The following PPM1F variants were observed in gnomAD, a reference collection of about 807,000 sequenced individuals.
The protein encoded by PPM1F is protein phosphatase, Mg2+/Mn2+ dependent 1F, also known as protein phosphatase 1F.
A neutral mutation model predicts 35.5 loss-of-function variants in PPM1F; 17 were observed. The ratio of observed to expected loss-of-function variants is 0.48; its 90% confidence interval spans 0.33 to 0.72. The LOEUF (loss-of-function observed/expected upper bound fraction) is 0.72, where lower values mean the gene tolerates loss of function less well. Ranked by LOEUF, PPM1F falls within the 30% of genes least tolerant of loss-of-function variation. The probability of loss-of-function intolerance (pLI) is 0.02; values close to 1 mark genes in which losing one functional copy is unlikely to be tolerated. For synonymous variants in PPM1F, 241 were observed against 255.5 expected, an observed-to-expected ratio of 0.94 and a Z score of 0.54; for missense variants, 521 against 613.0, an observed-to-expected ratio of 0.85 and a Z score of 1.59.
At chr22:21,943,770 C>T (rs1036847599) in intron 2 of PPM1F, 1 of 152,350 alleles carries the variant, frequency 6.6e-6, no homozygotes, top group Non-Finnish European at 1.5e-5. Flanking sequence ...GTTGTCACCC[C>T]GGTGCTGCGG....
chr22:21,923,555 C>T, intron 7 of PPM1F, 84 bp from the exon 8 acceptor site: 1 of 1,458,462 alleles, frequency 6.9e-7, no homozygotes, highest in Non-Finnish European at 9.2e-7. Context: ...GACCTCACAT[C>T]CTGCAGGGAC....
At chr22:21,942,240 CT>C (rs2070733156) in intron 2 of PPM1F, 1 of 151,866 alleles carries the variant, frequency 6.6e-6, no homozygotes, top group South Asian at 2.1e-4. Context: ...TACTGATGGT[CT>C]GAGGAATCTA....
chr22:21,943,457 T>C (rs191091797), intron 2 of PPM1F: 7 of 152,366 alleles, frequency 4.6e-5, no homozygotes, highest in African/African-American at 1.4e-4. Context: ...GTTCACCATG[T>C]AAGGTGGGTT....
chr22:21,937,729 C>G (rs1024883867), intron 3 of PPM1F: 1 of 169,716 alleles, frequency 5.9e-6, no homozygotes, highest in African/African-American at 2.4e-5. Context: ...CACGGTCTCG[C>G]CCCGGGTGCT....
chr22:21,939,329 A>C lies in PPM1F; in HGVS notation c.355+203T>G. On this transcript the variant is annotated intron_variant, in intron 3 of 7. Transcript: ENST00000263212. The surrounding 1 kb of genome is among the most constrained non-coding windows in gnomAD (Gnocchi z 5.1). ...CCCCTGCCTCGTGGGCTGACTGGGA[A>C]CTATATGACCTGTGGAGGGCTGTGA... The C allele has an allele frequency of 4.7e-6, 3 of 633,798 alleles. No homozygotes were observed. The highest frequency in any genetic ancestry group is 5.4e-6 in the Non-Finnish European group (2 of 371,406). The allele number at this position is 633,798 out of a possible 1,614,324, so 39.3% of individuals were successfully genotyped here. A position where few individuals can be genotyped will look rare whatever the true frequency, so the allele number is the denominator to read the frequency against.
rs1169643614 is a variant in PPM1F, at chr22:21,922,287, T to C, written c.*805A>G. The stretch of plus-strand genomic sequence containing the variant: ...GTAAATACTTAAGTTTTCTAAAGAA[T>C]AAAATAAATGCTAAGCTCTGCTTAA... On this transcript the variant is annotated 3_prime_UTR_variant, in exon 8 of 8. Coordinates refer to ENST00000263212, the MANE Select transcript of PPM1F (RefSeq NM_014634.4). 1 of 152,524 alleles carries C rather than the reference T, an allele frequency of 6.6e-6. No individual in the cohort carries two copies. Among genetic ancestry groups the C allele is most frequent in the African/African-American group, 2.4e-5 (1 of 41,458 alleles). 9.4% of individuals were successfully genotyped at this position (152,524 alleles called of 1,614,324 possible). A position where few individuals can be genotyped will look rare whatever the true frequency, so the allele number is the denominator to read the frequency against.
intron 1 of PPM1F, chr22:21,948,591 TG>T: frequency 6.6e-6 from 1 of 152,448 alleles, no homozygotes; most frequent in Non-Finnish European, 1.5e-5. Flanking sequence ...CTCTTCTGCC[TG>T]GGACTGCCCT....
At chr22:21,933,618 C>G (rs1420015927) in intron 4 of PPM1F, 39 bp from the exon 5 acceptor site, 1 of 1,573,724 alleles carries the variant, frequency 6.4e-7, no homozygotes, top group East Asian at 2.3e-5. Context: ...CCCGCGGGAC[C>G]CAGGGTGCTC....
chr22:21,924,224 G>A (rs948989578), intron 7 of PPM1F, among the ~76,000 whole-genome samples: 3 of 151,996 alleles, frequency 2.0e-5, no homozygotes, highest in South Asian at 2.1e-4. Context: ...CCTGAGACCC[G>A]GCACTGACCG....
chr22:21,938,151 G>C, intron 3 of PPM1F: 1 of 1,302,994 alleles, frequency 7.7e-7, no homozygotes, highest in South Asian at 1.2e-5. Flanking sequence ...AGGCCTGCAG[G>C]AGCCCCGAGC....
chr22:21,920,298 C>T lies in PPM1F; in HGVS notation c.*2794G>A, dbSNP rs2070432739. 6.5e-6 allele frequency: 1 copy of T among 152,684 alleles called. No individual in the cohort carries two copies. The highest frequency in any genetic ancestry group is 1.5e-5 in the Non-Finnish European group (1 of 68,092). 9.5% of individuals were successfully genotyped at this position (152,684 alleles called of 1,614,324 possible). ...GACTCAGTGCAACCCCTGGGCCTTA[C>T]AAAAGGGACACTCAGAGGTGCACTG... On this transcript the variant is annotated 3_prime_UTR_variant, in exon 8 of 8. Transcript: ENST00000263212.
rs922201828 is a variant in PPM1F at position 21,919,543 on chromosome 22, G to C, written c.*3549C>G. 3 of 152,508 alleles carry C rather than the reference G, an allele frequency of 2.0e-5. No individual in the cohort carries two copies. Among genetic ancestry groups the C allele is most frequent in the Admixed American group, 6.5e-5 (1 of 15,268 alleles). 9.4% of individuals were successfully genotyped at this position (152,508 alleles called of 1,614,324 possible). Reference sequence around the variant, plus strand: ...GACAGTCATCCTGTCCTGGAGCAAAGCTCCCCCTTGCACAGGAACACAACT... The same window carrying C: ...GACAGTCATCCTGTCCTGGAGCAAACCTCCCCCTTGCACAGGAACACAACT... On this transcript the variant is annotated 3_prime_UTR_variant, in exon 8 of 8. Coordinates refer to ENST00000263212, the MANE Select transcript of PPM1F (RefSeq NM_014634.4).
chr22:21,951,725 T>C (rs2070840980), intron 1 of PPM1F: 1 of 152,182 alleles, frequency 6.6e-6, no homozygotes, highest in Admixed American at 6.5e-5. Flanking sequence ...TTCGTTTTGT[T>C]TACCTCTCAC....
In PPM1F at chr22:21,919,707, C is replaced by A. The variant is rs866435339; in HGVS notation, c.*3385G>T. ...ATGCACAGGACTCTGGGGGCTGCCC[C>A]CCTTGAGCTACAGAGGCAGAATCGA... On this transcript the variant is annotated 3_prime_UTR_variant, in exon 8 of 8. Coordinates refer to ENST00000263212, the MANE Select transcript of PPM1F (RefSeq NM_014634.4). The A allele has an allele frequency of 6.6e-6, 1 of 152,334 alleles. No individual in the cohort carries two copies. The highest frequency in any genetic ancestry group is 2.4e-5 in the African/African-American group (1 of 41,462). The allele number at this position is 152,334 out of a possible 1,614,324, so 9.4% of individuals were successfully genotyped here. A position where few individuals can be genotyped will look rare whatever the true frequency, so the allele number is the denominator to read the frequency against.
chr22:21,923,149 C>T lies in PPM1F; in HGVS notation c.1308G>A (p.Arg436=), dbSNP rs2070466916. 6.2e-7 allele frequency: 1 copy of T among 1,613,580 alleles called. No individual in the cohort carries two copies. Among genetic ancestry groups the T allele is most frequent in the South Asian group, 1.1e-5 (1 of 91,062 alleles). Residue 436 remains arginine (R), a synonymous_variant, in exon 8 of 8, where the codon AGG becomes AGA. Transcript: ENST00000263212. ...GEGDPQAEGR[R]QDLPSSLPEP... is the part of the protein sequence containing the mutation. ...CTGGAAGGCTGGAGGGCAAGTCCTGCCTCCTCCCTTCTGCCTGGGGGTCCC... is the reference window on the plus strand; with the variant it reads ...CTGGAAGGCTGGAGGGCAAGTCCTGTCTCCTCCCTTCTGCCTGGGGGTCCC...
At chr22:21,937,863 A>C in intron 3 of PPM1F, 1 of 313,706 alleles carries the variant, frequency 3.2e-6, no homozygotes, top group Non-Finnish European at 6.2e-6. Context: ...TCGCTTCTGG[A>C]TTCTTCGCTG....
intron 1 of PPM1F, chr22:21,946,381 G>A (rs2070777752): frequency 4.6e-6 from 1 of 217,354 alleles, no homozygotes; most frequent in African/African-American, 2.3e-5. Context: ...GGCAGAGGGT[G>A]GCCAGCGTGG....
chr22:21,930,379 C>A (rs1283161582), intron 6 of PPM1F, among the ~76,000 whole-genome samples: 2 of 152,216 alleles, frequency 1.3e-5, no homozygotes, highest in African/African-American at 4.8e-5. Flanking sequence ...ACACTTGACT[C>A]TGAGCAATTA....
chr22:21,938,587 G>A (rs2070690243), intron 3 of PPM1F: 2 of 1,026,614 alleles, frequency 1.9e-6, no homozygotes, highest in South Asian at 3.1e-5. Context: ...AACAGGGAAA[G>A]GAAAGGAAAT....
Sources: gnomAD v4.1 joint callset for allele counts (sites outside exome capture counted in the v4.1 genomes callset) on GRCh38, gnomAD v4.1.1 for gene constraint, Gnocchi (gnomAD v3.1) non-coding constraint, MANE v1.5 for transcripts, NCBI Gene and HGNC (gene_info 2026-07-23, HGNC 2026-07-21) for gene names.